ARPP21: variants seen among roughly 807,000 people sequenced by gnomAD.
The protein encoded by ARPP21 is cAMP-regulated phosphoprotein 21.
ARPP21 carries 69 observed loss-of-function variants against 113.2 expected under a neutral mutation model. That is an observed-to-expected ratio of 0.61 (90% CI 0.50 to 0.74). ARPP21 has a LOEUF of 0.74. Among genes scored for constraint, ARPP21 ranks in the 30% least tolerant of loss-of-function variants. The probability of loss-of-function intolerance (pLI) is 0.00; values close to 1 mark genes in which losing one functional copy is unlikely to be tolerated. For synonymous variants in ARPP21, 368 were observed against 375.5 expected (o/e 0.98, Z 0.23); for missense variants, 1,070 against 1,037.4 (o/e 1.03, Z -0.43).
intron 1 of ARPP21, among the ~76,000 whole-genome samples, chr3:35,678,466 G>A (rs1047708278): frequency 1.3e-5 from 2 of 151,890 alleles, no homozygotes; most frequent in African/African-American, 4.8e-5. Flanking sequence ...TGGTGAAACT[G>A]ATCAAAATTG....
At chr3:35,701,690 T>C (rs1452094973) in intron 9 of ARPP21, among the ~76,000 whole-genome samples, 1 of 151,594 alleles carries the variant, frequency 6.6e-6, no homozygotes, top group Non-Finnish European at 1.5e-5. Context: ...TCTCATTATA[T>C]TATCATTAGT....
chr3:35,714,586 G>A (rs982077391), intron 11 of ARPP21, among the ~76,000 whole-genome samples: 2 of 152,082 alleles, frequency 1.3e-5, no homozygotes, highest in African/African-American at 4.8e-5. Flanking sequence ...ATGGTTTTGT[G>A]TTACTTTCTA....
At chr3:35,661,128 C>A (rs1341093500) in intron 1 of ARPP21, among the ~76,000 whole-genome samples, 1 of 152,144 alleles carries the variant, frequency 6.6e-6, no homozygotes, top group Non-Finnish European at 1.5e-5. Context: ...CACACATGAT[C>A]ACATACACAT....
chr3:35,715,706 C>G (rs2092292696), intron 12 of ARPP21: 1 of 343,040 alleles, frequency 2.9e-6, no homozygotes. Context: ...AAAACTTTTT[C>G]TTATTTAAAG....
chr3:35,746,225 A>T (rs2150945525), intron 19 of ARPP21, among the ~76,000 whole-genome samples: 1 of 152,312 alleles, frequency 6.6e-6, no homozygotes, highest in East Asian at 1.9e-4. Flanking sequence ...GGGAAAGCAG[A>T]TGGTGTTCCC....
At chr3:35,699,024 A>G (rs1394091262) in intron 9 of ARPP21, among the ~76,000 whole-genome samples, 1 of 151,684 alleles carries the variant, frequency 6.6e-6, no homozygotes, top group Non-Finnish European at 1.5e-5. Flanking sequence ...AGTATAGCCT[A>G]TAGCACATGT....
intron 19 of ARPP21, among the ~76,000 whole-genome samples, chr3:35,778,646 C>T (rs2096447862): frequency 6.6e-6 from 1 of 152,164 alleles, no homozygotes; most frequent in African/African-American, 2.4e-5. Context: ...TGAATCATTT[C>T]AGTGGAATTC....
At chr3:35,641,265 A>G (rs986529173) in intron 1 of ARPP21, among the ~76,000 whole-genome samples, 5 of 152,204 alleles carry the variant, frequency 3.3e-5, no homozygotes, top group Admixed American at 2.0e-4. Flanking sequence ...CAAGAAGGAC[A>G]TTCCCCAAAG....
At chr3:35,657,541 T>A (rs376886624) in intron 1 of ARPP21, among the ~76,000 whole-genome samples, 1 of 152,276 alleles carries the variant, frequency 6.6e-6, no homozygotes, top group East Asian at 1.9e-4. Flanking sequence ...TTTATGTATA[T>A]TAATGTGCTT....
At chr3:35,788,542 A>C (rs935400856) in intron 19 of ARPP21, among the ~76,000 whole-genome samples, 1 of 152,192 alleles carries the variant, frequency 6.6e-6, no homozygotes, top group East Asian at 1.9e-4. Context: ...TGCTGTCTTC[A>C]GTATACCGCC....
chr3:35,758,222 A>C (rs2095641419), intron 19 of ARPP21, among the ~76,000 whole-genome samples: 1 of 151,972 alleles, frequency 6.6e-6, no homozygotes, highest in African/African-American at 2.4e-5. Context: ...TACAACTTGA[A>C]ATATTTCTCC....
chr3:35,656,779 A>G (rs1575484748), intron 1 of ARPP21, among the ~76,000 whole-genome samples: 5 of 152,198 alleles, frequency 3.3e-5, no homozygotes, highest in Admixed American at 1.3e-4. Flanking sequence ...TAATAAAACC[A>G]TACAGCCCCT....
At chr3:35,775,454 G>A (rs1333465260) in intron 19 of ARPP21, among the ~76,000 whole-genome samples, 2 of 152,216 alleles carry the variant, frequency 1.3e-5, no homozygotes, top group South Asian at 2.1e-4. Flanking sequence ...GTGTGTGAAT[G>A]TGAGTGTATA....
At chr3:35,684,796 G>C (rs1293752572) in intron 5 of ARPP21, 1 of 984,664 alleles carries the variant, frequency 1.0e-6, no homozygotes, top group Non-Finnish European at 1.2e-6. Flanking sequence ...TGTCCTAAGA[G>C]AGTGTTTTTT....
intron 10 of ARPP21, among the ~76,000 whole-genome samples, chr3:35,708,281 T>C (rs1576120624): frequency 6.6e-6 from 1 of 152,206 alleles, no homozygotes; most frequent in Non-Finnish European, 1.5e-5. Flanking sequence ...AGTCAGAAAA[T>C]AGGATAAAGA....
Position 35,779,566 on chromosome 3 carries a change from A to G in ARPP21, c.2138-12816A>G, listed in dbSNP as rs369561108. Among the ~76,000 whole-genome samples, 158 of 147,346 alleles carry G rather than the reference A, an allele frequency of 1.1e-3. 3 individuals are homozygous for G. In the South Asian group the frequency reaches 0.032, roughly 30 times the overall value. ...CCATTGTGCATACTCAAGATAAATG[A>G]ATGTAGGCTTAGTGAGGGTCAAAAA... On this transcript the variant is annotated intron_variant, in intron 19 of 20. Transcript: ENST00000684406.
intron 13 of ARPP21, among the ~76,000 whole-genome samples, chr3:35,719,549 C>T (rs912588867): frequency 6.6e-6 from 1 of 152,010 alleles, no homozygotes; most frequent in African/African-American, 2.4e-5. Context: ...TAAATTGCAC[C>T]CAGAAATAGT....
At chr3:35,790,248 T>C (rs2096721595) in intron 19 of ARPP21, among the ~76,000 whole-genome samples, 1 of 152,224 alleles carries the variant, frequency 6.6e-6, no homozygotes, top group Non-Finnish European at 1.5e-5. Context: ...TTCACAATTA[T>C]ATGGACTTGA....
At chr3:35,769,312 A>G (rs887152066) in intron 19 of ARPP21, among the ~76,000 whole-genome samples, 3 of 152,140 alleles carry the variant, frequency 2.0e-5, no homozygotes, top group African/African-American at 7.2e-5. Flanking sequence ...TTGAGTGACT[A>G]CTGCCCTCTC....
Sources: allele counts gnomAD v4.1 joint callset (sites outside exome capture counted in the v4.1 genomes callset), GRCh38; gene constraint gnomAD v4.1.1; transcripts MANE v1.5; gene names NCBI Gene and HGNC (gene_info 2026-07-23, HGNC 2026-07-21).